SLC4A7: variants seen among roughly 807,000 people sequenced by gnomAD.
SLC4A7 encodes the protein sodium bicarbonate cotransporter 3.
A neutral mutation model predicts 137.6 loss-of-function variants in SLC4A7; 51 were observed. That is an observed-to-expected ratio of 0.37 (90% CI 0.30 to 0.47). SLC4A7 has a LOEUF of 0.47. Among genes scored for constraint, SLC4A7 ranks in the 20% least tolerant of loss-of-function variants. The pLI is 1.00. For synonymous variants in SLC4A7, 542 were observed against 518.6 expected (o/e 1.05, Z -0.61); for missense variants, 1,247 against 1,525.4 (o/e 0.82, Z 3.04).
chr3:27,479,267 T>C (rs778324522), intron 1 of SLC4A7, among the ~76,000 whole-genome samples: 45 of 151,762 alleles, frequency 3.0e-4, no homozygotes, highest in Admixed American at 2.6e-4. Context: ...ATACAAAAAA[T>C]TAGCCAGACG....
At chr3:27,412,856 C>T (rs1345970725) in intron 11 of SLC4A7, among the ~76,000 whole-genome samples, 2 of 151,070 alleles carry the variant, frequency 1.3e-5, no homozygotes, top group Non-Finnish European at 2.9e-5. Context: ...GAAAATTAAG[C>T]AATTATATTA....
chr3:27,453,439 C>A (rs2058211433), intron 1 of SLC4A7, among the ~76,000 whole-genome samples: 1 of 152,120 alleles, frequency 6.6e-6, no homozygotes, highest in African/African-American at 2.4e-5. Flanking sequence ...CATGGAGAAA[C>A]CCCATCTCCA....
intron 3 of SLC4A7, among the ~76,000 whole-genome samples, chr3:27,447,423 T>C (rs1034323301): frequency 3.9e-5 from 6 of 152,172 alleles, no homozygotes; most frequent in Non-Finnish European, 7.3e-5. Flanking sequence ...GCAGTAACTA[T>C]ATTATACATA....
chr3:27,472,439 C>T (rs1021537573), intron 1 of SLC4A7, among the ~76,000 whole-genome samples: 17 of 151,906 alleles, frequency 1.1e-4, no homozygotes, highest in African/African-American at 3.9e-4. Flanking sequence ...TGCGTCACTG[C>T]ACTCCAGCCT....
At chr3:27,483,961 TG>T in intron 1 of SLC4A7, 105 bp downstream of exon 1, 1 of 875,832 alleles carries the variant, frequency 1.1e-6, no homozygotes, top group Non-Finnish European at 1.5e-6. Flanking sequence ...GCGACGGGCC[TG>T]GGACGAGGTG....
In SLC4A7 at chr3:27,434,113, TG is replaced by T. The variant is rs771604269; in HGVS notation, c.590-10del. 6.4e-7 allele frequency: 1 copy of T among 1,558,484 alleles called. No individual in the cohort carries two copies. Among genetic ancestry groups the T allele is most frequent in the Non-Finnish European group, 8.7e-7 (1 of 1,154,652 alleles). On this transcript the variant is annotated splice_polypyrimidine_tract_variant and intron_variant, in intron 5 of 25. Coordinates refer to ENST00000454389, the MANE Select transcript of SLC4A7 (RefSeq NM_001321103.2). ...GTTGTCTAATACCATATCTATTCAATGAAAAAAAAAATAAATTACTAAACAC... is the reference window on the plus strand; with the variant it reads ...GTTGTCTAATACCATATCTATTCAATAAAAAAAAAATAAATTACTAAACAC...
intron 25 of SLC4A7, among the ~76,000 whole-genome samples, chr3:27,378,256 A>T (rs1397791663): frequency 6.6e-6 from 1 of 152,222 alleles, no homozygotes; most frequent in Non-Finnish European, 1.5e-5. Flanking sequence ...TGAAAGAATG[A>T]GAAAAAGCTA....
intron 24 of SLC4A7, among the ~76,000 whole-genome samples, chr3:27,382,675 G>A (rs2050544770): frequency 6.6e-6 from 1 of 151,966 alleles, no homozygotes; most frequent in African/African-American, 2.4e-5. Context: ...AGACTTCTAG[G>A]GCCTCTAAAC....
At chr3:27,445,599 C>T (rs761333965) in intron 3 of SLC4A7, among the ~76,000 whole-genome samples, 3 of 151,596 alleles carry the variant, frequency 2.0e-5, no homozygotes, top group African/African-American at 7.3e-5. Flanking sequence ...GAACTAATAA[C>T]GTACAACATG....
chr3:27,379,345 G>A lies in SLC4A7; in HGVS notation c.3602C>T (p.Ser1201Leu), dbSNP rs1382674497. Residue 1201 changes from serine to leucine, a missense_variant, in exon 25 of 26, where the codon TCA (serine) becomes TTA (leucine). Around this residue, in one of 6 missense-constraint regions of SLC4A7, gnomAD observed 290 missense variants for 323.8 expected, o/e 0.90. Coordinates refer to ENST00000454389, the MANE Select transcript of SLC4A7 (RefSeq NM_001321103.2). ...CATTTCATCTGATATGTTAACAATT[G>A]AGGGATCAACACTGAAGAACAAATA... is the stretch of plus-strand genomic sequence containing the variant. ...VKALKYSVDP[S>L]IVNISDEMAK... is the part of the protein sequence containing the mutation. 19 of 1,525,716 alleles carry A rather than the reference G, an allele frequency of 1.2e-5. No individual in the cohort carries two copies. The Middle Eastern group carries it at 5.0e-4, about 40-fold the overall frequency. 94.5% of individuals were successfully genotyped at this position (1,525,716 alleles called of 1,614,324 possible).
chr3:27,391,771 T>A lies in SLC4A7; in HGVS notation c.3155A>T (p.Tyr1052Phe). ...TCCTTTTAATGAGGAAACTCCCATA[T>A]AAAGGAAAACACCATACAGAACAGG... is the stretch of plus-strand genomic sequence containing the variant. ...PMPVLYGVFLYMGVSSLKGIQ... is the reference protein window; with the variant it reads ...PMPVLYGVFLFMGVSSLKGIQ... Residue 1052 changes from tyrosine (Y) to phenylalanine (F), a missense_variant, in exon 21 of 26, where the codon TAT (tyrosine) becomes TTT (phenylalanine). By Grantham distance (22) the Tyr-to-Phe change is conservative. This residue lies in a region of SLC4A7 where 290 missense variants were observed against 323.8 expected (regional missense o/e 0.90). Transcript: ENST00000454389. 1 of 1,596,492 alleles carries A rather than the reference T, an allele frequency of 6.3e-7. No homozygotes were observed. The highest frequency in any genetic ancestry group is 8.6e-7 in the Non-Finnish European group (1 of 1,167,662).
intron 15 of SLC4A7, among the ~76,000 whole-genome samples, chr3:27,402,177 C>T (rs564229767): frequency 7.5e-4 from 114 of 152,304 alleles, no homozygotes; most frequent in African/African-American, 2.6e-3. Context: ...TCCATATTTA[C>T]GCCAAGCGTG....
intron 11 of SLC4A7, among the ~76,000 whole-genome samples, chr3:27,416,563 A>G (rs992100464): frequency 4.6e-5 from 7 of 152,226 alleles, no homozygotes; most frequent in African/African-American, 1.7e-4. Flanking sequence ...TTTCTAGGCT[A>G]TGAAGTTTGC....
At chr3:27,390,539 A>C (rs1559639879) in intron 21 of SLC4A7, among the ~76,000 whole-genome samples, 1 of 152,214 alleles carries the variant, frequency 6.6e-6, no homozygotes, top group Non-Finnish European at 1.5e-5. Context: ...TCACTAATTG[A>C]AAATAAAACT....
At chr3:27,478,470 A>T (rs1413278836) in intron 1 of SLC4A7, among the ~76,000 whole-genome samples, 1 of 147,874 alleles carries the variant, frequency 6.8e-6, no homozygotes, top group Non-Finnish European at 1.5e-5. Context: ...GTGACCCAAG[A>T]TCGTACCACT....
Position 27,484,104 on chromosome 3 carries a change from T to A in SLC4A7, c.23A>T (p.Glu8Val). The stretch of plus-strand genomic sequence containing the variant: ...CCGGGTGAGTAGCGGTCTCATCTGC[T>A]CGCCGGCCCCATCAGCCTCCATGGC... MEADGAGEQMRPLLTRVT... is the reference protein window; with the variant it reads MEADGAGVQMRPLLTRVT... Residue 8 changes from glutamate (E) to valine (V), a missense_variant, in exon 1 of 26, where the codon GAG (glutamate) becomes GTG (valine). Physicochemically the swap from Glu to Val is moderately radical, Grantham distance 121 (BLOSUM62 -2). Transcript: ENST00000454389. 4 of 1,397,468 alleles carry A rather than the reference T, an allele frequency of 2.9e-6. No individual in the cohort carries two copies. Among genetic ancestry groups the A allele is most frequent in the Non-Finnish European group, 3.7e-6 (4 of 1,070,842 alleles). The allele number at this position is 1,397,468 out of a possible 1,614,324, so 86.6% of individuals were successfully genotyped here. A position where few individuals can be genotyped will look rare whatever the true frequency, so the allele number is the denominator to read the frequency against.
chr3:27,449,149 C>T (rs2057891224), intron 2 of SLC4A7, among the ~76,000 whole-genome samples: 1 of 151,832 alleles, frequency 6.6e-6, no homozygotes, highest in Admixed American at 6.6e-5. Context: ...ATCCGCCCAC[C>T]TCAGCCTCCC....
At chr3:27,458,939 G>A (rs531911709) in intron 1 of SLC4A7, among the ~76,000 whole-genome samples, 143 of 152,282 alleles carry the variant, frequency 9.4e-4, no homozygotes, top group African/African-American at 3.4e-3. Flanking sequence ...GCAGTGAGCT[G>A]AGATCATGCC....
intron 1 of SLC4A7, among the ~76,000 whole-genome samples, 182 bp downstream of exon 1, chr3:27,483,885 C>T (rs1296609463): frequency 1.3e-5 from 2 of 150,646 alleles, no homozygotes; most frequent in African/African-American, 2.4e-5. Context: ...GGCCCCCTCC[C>T]ACCCGCGCCC....
Sources: allele counts gnomAD v4.1 joint callset (sites outside exome capture counted in the v4.1 genomes callset), GRCh38; gene constraint gnomAD v4.1.1; regional missense constraint gnomAD v4.1.1; transcripts MANE v1.5; gene names NCBI Gene and HGNC (gene_info 2026-07-23, HGNC 2026-07-21).